The following GALNT13 variants were observed in gnomAD, a reference collection of about 807,000 sequenced individuals.
GALNT13 encodes the protein polypeptide N-acetylgalactosaminyltransferase 13.
In GALNT13, 28 loss-of-function variants were observed where a neutral mutation model predicts 64.2. The ratio of observed to expected loss-of-function variants is 0.44; its 90% confidence interval spans 0.32 to 0.60. GALNT13 has a LOEUF of 0.60. Among genes scored for constraint, GALNT13 ranks in the 20% least tolerant of loss-of-function variants. The pLI is 0.05. For synonymous variants in GALNT13, 214 were observed against 224.6 expected (o/e 0.95, Z 0.42); for missense variants, 577 against 669.8 (o/e 0.86, Z 1.53).
At chr2:153,377,347 G>A in the GALNT13 span, among the ~76,000 whole-genome samples, 1 of 152,132 alleles carries the variant, frequency 6.6e-6, no homozygotes, top group Non-Finnish European at 1.5e-5. Context: ...GGTATGGTCT[G>A]TTTGTCCCCA....
the GALNT13 span, among the ~76,000 whole-genome samples, chr2:153,395,139 G>T: frequency 2.6e-5 from 4 of 152,166 alleles, no homozygotes; most frequent in African/African-American, 7.2e-5. Context: ...ACTATGAAGA[G>T]ATCATATACA....
chr2:153,899,039 C>CA (rs1264201279), intron 1 of GALNT13, among the ~76,000 whole-genome samples: 3 of 151,930 alleles, frequency 2.0e-5, no homozygotes, highest in Non-Finnish European at 2.9e-5. Flanking sequence ...TTCACTTTTT[C>CA]AAAAAACCTA....
At chr2:154,400,221 T>A (rs186321875) in intron 10 of GALNT13, among the ~76,000 whole-genome samples, 60 of 152,318 alleles carry the variant, frequency 3.9e-4, no homozygotes. Flanking sequence ...AAAAAGGTAA[T>A]CTTTCCTTAT....
At chr2:154,276,666 C>T (rs117909327) in intron 8 of GALNT13, among the ~76,000 whole-genome samples, 33 of 152,196 alleles carry the variant, frequency 2.2e-4, no homozygotes, top group African/African-American at 6.0e-4. Flanking sequence ...TTGGAAGGGG[C>T]GGAATGATAT....
the GALNT13 span, among the ~76,000 whole-genome samples, chr2:153,170,551 C>G: frequency 6.6e-6 from 1 of 152,164 alleles, no homozygotes; most frequent in Non-Finnish European, 1.5e-5. Context: ...ACTTAAGCAG[C>G]TGGCTAAGCA....
the GALNT13 span, among the ~76,000 whole-genome samples, chr2:153,835,667 T>A: frequency 1.3e-5 from 2 of 152,024 alleles, no homozygotes; most frequent in Non-Finnish European, 2.9e-5. Flanking sequence ...AATTTGTCTA[T>A]GCTTCATAAT....
At chr2:153,449,137 A>G in the GALNT13 span, among the ~76,000 whole-genome samples, 2 of 152,196 alleles carry the variant, frequency 1.3e-5, no homozygotes, top group African/African-American at 4.8e-5. Context: ...CAAGCCAGGA[A>G]CAGAGCCCTC....
At chr2:153,463,615 C>T in the GALNT13 span, among the ~76,000 whole-genome samples, 1 of 152,006 alleles carries the variant, frequency 6.6e-6, no homozygotes, top group Non-Finnish European at 1.5e-5. Context: ...GGCTCAAAAG[C>T]ATGCTAGGAT....
the GALNT13 span, among the ~76,000 whole-genome samples, chr2:153,223,925 G>A: frequency 6.6e-6 from 1 of 152,078 alleles, no homozygotes; most frequent in Admixed American, 6.5e-5. Flanking sequence ...AGCCAAGATC[G>A]TGCCACTGCA....
At chr2:153,904,149 G>C (rs921931219) in intron 2 of GALNT13, among the ~76,000 whole-genome samples, 2 of 151,778 alleles carry the variant, frequency 1.3e-5, no homozygotes, top group Non-Finnish European at 2.9e-5. Flanking sequence ...ATGTTTTTGT[G>C]TGGTTCATTA....
chr2:154,312,417 C>A (rs147424329), intron 9 of GALNT13, among the ~76,000 whole-genome samples: 1 of 152,150 alleles, frequency 6.6e-6, no homozygotes, highest in East Asian at 1.9e-4. Flanking sequence ...ACTAGTCATC[C>A]TTTTTATTCG....
chr2:153,255,952 T>A, the GALNT13 span, among the ~76,000 whole-genome samples: 158 of 152,320 alleles, frequency 1.0e-3, no homozygotes, highest in Middle Eastern at 3.4e-3. Flanking sequence ...GTCTTGGAGT[T>A]GCTCTTCTCG....
the GALNT13 span, among the ~76,000 whole-genome samples, chr2:153,431,196 T>C: frequency 0.021 from 3,271 of 152,174 alleles, 104 homozygotes; most frequent in African/African-American, 0.074. Context: ...TATACTGTAT[T>C]TTACTAGGAC....
intron 1 of GALNT13, among the ~76,000 whole-genome samples, chr2:153,877,790 T>G (rs1686488438): frequency 6.6e-6 from 1 of 152,116 alleles, no homozygotes; most frequent in African/African-American, 2.4e-5. Context: ...ATGAAGAAGG[T>G]AAGATGGTGT....
At chr2:154,430,734 A>T (rs543834161) in intron 11 of GALNT13, among the ~76,000 whole-genome samples, 190 of 152,268 alleles carry the variant, frequency 1.2e-3, no homozygotes, top group African/African-American at 4.5e-3. Flanking sequence ...AAGTTGATTG[A>T]TGTGATAAAC....
chr2:153,269,056 A>G, the GALNT13 span, among the ~76,000 whole-genome samples: 3 of 152,102 alleles, frequency 2.0e-5, no homozygotes, highest in African/African-American at 7.2e-5. Context: ...GAAATTTAAC[A>G]TTTGGCTCTT....
At chr2:154,368,478 C>A (rs1174298445) in intron 9 of GALNT13, among the ~76,000 whole-genome samples, 2 of 152,190 alleles carry the variant, frequency 1.3e-5, no homozygotes, top group Middle Eastern at 3.4e-3. Flanking sequence ...TCAAATGTCT[C>A]CGTAATATTA....
chr2:153,217,728 CCT>C, the GALNT13 span, among the ~76,000 whole-genome samples: 1,868 of 152,114 alleles, frequency 0.012, 11 homozygotes, highest in African/African-American at 0.024. Context: ...CATGTTTCCC[CCT>C]GTTTCTCTTA....
At chr2:153,463,984 G>A in the GALNT13 span, among the ~76,000 whole-genome samples, 1 of 152,048 alleles carries the variant, frequency 6.6e-6, no homozygotes, top group Non-Finnish European at 1.5e-5. Context: ...TGCAGCAGAA[G>A]CCAGGACATA....
Sources: allele counts gnomAD v4.1 joint callset (sites outside exome capture counted in the v4.1 genomes callset), GRCh38; gene constraint gnomAD v4.1.1; transcripts MANE v1.5; gene names NCBI Gene and HGNC (gene_info 2026-07-23, HGNC 2026-07-21).